Variants in TMEM95 observed in about 807,000 individuals in gnomAD.
TMEM95 encodes sperm-egg fusion protein TMEM95.
In TMEM95, 21 loss-of-function variants were observed where a neutral mutation model predicts 27.7. The ratio of observed to expected loss-of-function variants is 0.76; its 90% confidence interval spans 0.54 to 1.09. TMEM95 has a LOEUF of 1.09. Among genes scored for constraint, TMEM95 ranks in the 50% least tolerant of loss-of-function variants. The pLI is 0.00. For missense variants in TMEM95, 203 were observed against 217.9 expected (o/e 0.93, Z 0.43); for synonymous variants, 77 against 85.7 (o/e 0.90, Z 0.56).
In TMEM95 at chr17:7,356,597, A is replaced by G. The variant is rs903012300; in HGVS notation, c.498-2A>G. 1.2e-6 allele frequency: 2 copies of G among 1,609,590 alleles called. No individual in the cohort carries two copies. Among genetic ancestry groups the G allele is most frequent in the Admixed American group, 1.7e-5 (1 of 59,544 alleles). ...AGGCTTCCCACCCTCGTCTTCCCTC[A>G]GGTCCCACCACCTCCAAGCAAAAAG... is the stretch of plus-strand genomic sequence containing the variant. On this transcript the variant is annotated splice_acceptor_variant, in intron 6 of 6. Transcript: ENST00000576060. LOFTEE classifies it high-confidence loss of function.
At position 7,356,568 on chromosome 17, in the gene TMEM95, C is replaced by T. The variant is rs780080286; in HGVS notation, c.498-31C>T. 1.9e-6 allele frequency: 3 copies of T among 1,611,760 alleles called. No individual in the cohort carries two copies. In the South Asian group the frequency reaches 3.3e-5, roughly 18 times the overall value. ...TCCCTCTGTCCCTCCCAGGCCCCTCCCGTAGGCTTCCCACCCTCGTCTTCC... is the reference window on the plus strand; with the variant it reads ...TCCCTCTGTCCCTCCCAGGCCCCTCTCGTAGGCTTCCCACCCTCGTCTTCC... On this transcript the variant is annotated intron_variant, in intron 6 of 6. Transcript: ENST00000576060.
chr17:7,356,466 A>G lies in TMEM95; in HGVS notation c.484A>G (p.Ser162Gly), dbSNP rs775811570. 4.3e-5 allele frequency: 69 copies of G among 1,613,842 alleles called. No homozygotes were observed. The Admixed American group carries it at 1.1e-3, about 25-fold the overall frequency. ...FGAFLLLGVL[S>G]LLVESHHLQA... is the part of the protein sequence containing the mutation. ...AGCTTTCCTGCTTCTGGGTGTTCTG[A>G]GCCTCCTGGTGGAGTGAGTTTTGGG... The change falls in exon 6 of 7, where the codon AGC becomes GGC. Residue 162 changes from serine (S) to glycine (G), a missense_variant. Transcript: ENST00000576060.
At position 7,355,195 on chromosome 17, in the gene TMEM95, A is replaced by C; in HGVS notation, c.-10A>C. On this transcript the variant is annotated 5_prime_UTR_variant, in exon 1 of 7. Transcript: ENST00000576060. The surrounding 1 kb of genome is among the most constrained non-coding windows in gnomAD (Gnocchi z 4.9). Reference sequence around the variant, plus strand: ...CTGGGGCAGCGCCGCCCCATCCCCCAGTGGTCCTCATGTGGAGGCTGGCAC... The same window carrying C: ...CTGGGGCAGCGCCGCCCCATCCCCCCGTGGTCCTCATGTGGAGGCTGGCAC... 1 of 1,611,244 alleles carries C rather than the reference A, an allele frequency of 6.2e-7. No homozygotes were observed. Among genetic ancestry groups the C allele is most frequent in the Non-Finnish European group, 8.5e-7 (1 of 1,179,146 alleles).
At position 7,355,768 on chromosome 17, in the gene TMEM95, G is replaced by A. The variant is rs193159515; in HGVS notation, c.227-70G>A. 80,484 of 1,566,636 alleles carry A rather than the reference G, an allele frequency of 0.051. 2,571 individuals carry two copies. The highest frequency in any genetic ancestry group is 0.062 in the Non-Finnish European group (70,668 of 1,138,198). Reference sequence around the variant, plus strand: ...AGACAGGAGGGCTGATCAGGGAGGGGCTGCGTGAAGAGAGGGGGAACTGGC... The same window carrying A: ...AGACAGGAGGGCTGATCAGGGAGGGACTGCGTGAAGAGAGGGGGAACTGGC... On this transcript the variant is annotated intron_variant, in intron 2 of 6. Coordinates refer to ENST00000576060, the MANE Select transcript of TMEM95 (RefSeq NM_001320436.2). The surrounding 1 kb of genome is among the most constrained non-coding windows in gnomAD (Gnocchi z 4.9).
Position 7,355,239 on chromosome 17 carries a change from C to A in TMEM95, c.35C>A (p.Ala12Glu). The change falls in exon 1 of 7, where the codon GCA becomes GAA. Residue 12 changes from alanine to glutamate, a missense_variant. Transcript: ENST00000576060. The surrounding 1 kb of genome is among the most constrained non-coding windows in gnomAD (Gnocchi z 4.9). The part of the protein sequence containing the change: ...WRLALGGVFL[A>E]AAQACVFCRL... ...CTGGCACTAGGCGGGGTTTTCCTGG[C>A]AGCCGCCCAGGCTTGTGTCTTCTGT... 6.2e-7 allele frequency: 1 copy of A among 1,613,718 alleles called. No homozygotes were observed. The highest frequency in any genetic ancestry group is 8.5e-7 in the Non-Finnish European group (1 of 1,179,888).
rs1179221649 is a variant in TMEM95 at position 7,355,620 on chromosome 17, TCA to T, written c.207_208del (p.His69GlnfsTer29). ...CCATGAACAAAGTCACAGAGAAGAC[TCA>T]CAGAGTCCTGAGGGTCATGGGTGAG... ...VSMNKVTEKTHRVLRVMEIKE... is the reference protein window; with the variant it reads ...VSMNKVTEKTXRVLRVMEIKE... On this transcript the variant is annotated frameshift_variant, in exon 2 of 7. Coordinates refer to ENST00000576060, the MANE Select transcript of TMEM95 (RefSeq NM_001320436.2). LOFTEE classifies it high-confidence loss of function. This position sits in a 1 kb window ranked among gnomAD's most constrained non-coding sequence, Gnocchi z 4.9. 1 of 1,557,078 alleles carries T rather than the reference TCA, an allele frequency of 6.4e-7. No individual in the cohort carries two copies. Among genetic ancestry groups the T allele is most frequent in the Non-Finnish European group, 8.7e-7 (1 of 1,149,864 alleles).
In TMEM95 at chr17:7,355,490, C is replaced by T; in HGVS notation, c.170-96C>T. 1 of 1,530,554 alleles carries T rather than the reference C, an allele frequency of 6.5e-7. No homozygotes were observed. Among genetic ancestry groups the T allele is most frequent in the Admixed American group, 2.1e-5 (1 of 48,730 alleles). The allele number at this position is 1,530,554 out of a possible 1,614,324, so 94.8% of individuals were successfully genotyped here. ...TGTGGCCCTTTCTGGACATGCTGGC[C>T]TTTCCCTCTGAGAGAGCTCCATATC... On this transcript the variant is annotated intron_variant, in intron 1 of 6. Transcript: ENST00000576060. The surrounding 1 kb of genome is among the most constrained non-coding windows in gnomAD (Gnocchi z 4.9).
chr17:7,355,411 T>G lies in TMEM95; in HGVS notation c.169+38T>G. The stretch of plus-strand genomic sequence containing the variant: ...ATCCAGGGATGGGCCCAGCAAGCAC[T>G]CACCCCCCTACCCCCAGAGGGTGGC... On this transcript the variant is annotated intron_variant, in intron 1 of 6. Coordinates refer to ENST00000576060, the MANE Select transcript of TMEM95 (RefSeq NM_001320436.2). The surrounding 1 kb of genome is among the most constrained non-coding windows in gnomAD (Gnocchi z 4.9). 6.3e-7 allele frequency: 1 copy of G among 1,591,252 alleles called. No individual in the cohort carries two copies. Among genetic ancestry groups the G allele is most frequent in the Non-Finnish European group, 8.6e-7 (1 of 1,165,992 alleles).
In TMEM95 at chr17:7,355,298, G is replaced by C. The variant is rs765812151; in HGVS notation, c.94G>C (p.Ala32Pro). 6.2e-7 allele frequency: 1 copy of C among 1,614,084 alleles called. No homozygotes were observed. Among genetic ancestry groups the C allele is most frequent in the Non-Finnish European group, 8.5e-7 (1 of 1,179,962 alleles). ...AGCCCACGACTTGTCAGGCCGCCTG[G>C]CTCGGCTCTGCAGCCAGATGGAGGC... ...LPAHDLSGRL[A>P]RLCSQMEARQ... is the part of the protein sequence containing the mutation. The change falls in exon 1 of 7, where the codon GCT becomes CCT. Residue 32 changes from alanine (A) to proline (P), a missense_variant. Physicochemically the swap from Ala to Pro is conservative, Grantham distance 27. Coordinates refer to ENST00000576060, the MANE Select transcript of TMEM95 (RefSeq NM_001320436.2). The surrounding 1 kb of genome is among the most constrained non-coding windows in gnomAD (Gnocchi z 4.9).
At position 7,356,696 on chromosome 17, in the gene TMEM95, T is replaced by G; in HGVS notation, c.*64T>G. 1 of 1,574,858 alleles carries G rather than the reference T, an allele frequency of 6.3e-7. No homozygotes were observed. The highest frequency in any genetic ancestry group is 8.7e-7 in the Non-Finnish European group (1 of 1,148,434). On this transcript the variant is annotated 3_prime_UTR_variant, in exon 7 of 7. Coordinates refer to ENST00000576060, the MANE Select transcript of TMEM95 (RefSeq NM_001320436.2). Reference sequence around the variant, plus strand: ...ATGCACTCACAACTTCCACATCCCTTGGAGGGGAACCAGTCAGCCCCTTAG... The same window carrying G: ...ATGCACTCACAACTTCCACATCCCTGGGAGGGGAACCAGTCAGCCCCTTAG...
rs1489525597 is a variant in TMEM95 at position 7,356,691 on chromosome 17, T to A, written c.*59T>A. 11 of 1,585,686 alleles carry A rather than the reference T, an allele frequency of 6.9e-6. No homozygotes were observed. The highest frequency in any genetic ancestry group is 2.2e-5 in the East Asian group (1 of 44,618). On this transcript the variant is annotated 3_prime_UTR_variant, in exon 7 of 7. Coordinates refer to ENST00000576060, the MANE Select transcript of TMEM95 (RefSeq NM_001320436.2). ...GGGGTATGCACTCACAACTTCCACA[T>A]CCCTTGGAGGGGAACCAGTCAGCCC... is the stretch of plus-strand genomic sequence containing the variant.
In TMEM95 at chr17:7,356,232, AGGGGACGGAG is replaced by A; in HGVS notation, c.367_376del (p.Gly123CysfsTer36). 6.4e-7 allele frequency: 1 copy of A among 1,564,206 alleles called. No homozygotes were observed. The highest frequency in any genetic ancestry group is 8.6e-7 in the Non-Finnish European group (1 of 1,156,282). On this transcript the variant is annotated frameshift_variant, in exon 5 of 7. Coordinates refer to ENST00000576060, the MANE Select transcript of TMEM95 (RefSeq NM_001320436.2). LOFTEE classifies it high-confidence loss of function. ...ACGCTGTACAACTGCTCCACCTGCA[AGGGGACGGAG>A]GTGTCCTGCTGGCCCCGAAAGCGCT...
rs1329278829 is a variant in TMEM95, at chr17:7,355,317, T to G, written c.113T>G (p.Met38Arg). Reference sequence around the variant, plus strand: ...CGCCTGGCTCGGCTCTGCAGCCAGATGGAGGCCAGGCAGAAGGAATGTGGG... The same window carrying G: ...CGCCTGGCTCGGCTCTGCAGCCAGAGGGAGGCCAGGCAGAAGGAATGTGGG... The part of the protein sequence containing the change: ...SGRLARLCSQ[M>R]EARQKECGAS... Residue 38 changes from methionine to arginine, a missense_variant, in exon 1 of 7, where the codon ATG becomes AGG. Physicochemically the swap from Met to Arg is moderately conservative, Grantham distance 91. Coordinates refer to ENST00000576060, the MANE Select transcript of TMEM95 (RefSeq NM_001320436.2). This position sits in a 1 kb window ranked among gnomAD's most constrained non-coding sequence, Gnocchi z 4.9. 1 of 1,614,120 alleles carries G rather than the reference T, an allele frequency of 6.2e-7. No individual in the cohort carries two copies. Among genetic ancestry groups the G allele is most frequent in the Non-Finnish European group, 8.5e-7 (1 of 1,179,992 alleles).
In TMEM95 at chr17:7,357,053, T is replaced by C. The variant is rs1010857626; in HGVS notation, c.*421T>C. 2 of 221,220 alleles carry C rather than the reference T, an allele frequency of 9.0e-6. No individual in the cohort carries two copies. The highest frequency in any genetic ancestry group is 2.3e-5 in the African/African-American group (1 of 43,752). The allele number at this position is 221,220 out of a possible 1,614,324, so 13.7% of individuals were successfully genotyped here. A position where few individuals can be genotyped will look rare whatever the true frequency, so the allele number is the denominator to read the frequency against. The stretch of plus-strand genomic sequence containing the variant: ...CTATTCCAGGCCCTCCTATGACTGA[T>C]GGGGAATCCGGGAATGCATGTTCTG... On this transcript the variant is annotated 3_prime_UTR_variant, in exon 7 of 7. Transcript: ENST00000576060.
At position 7,355,356 on chromosome 17, in the gene TMEM95, T is replaced by G. The variant is rs1423828877; in HGVS notation, c.152T>G (p.Phe51Cys). ...AAGGAATGTGGGGCCTCCCCAGACT[T>G]CTCGGCCTTTGCCTTAGGTAGGACC... ...RQKECGASPD[F>C]SAFALDEVSM... The change falls in exon 1 of 7, where the codon TTC becomes TGC. Residue 51 changes from phenylalanine to cysteine, a missense_variant. Transcript: ENST00000576060. The surrounding 1 kb of genome is among the most constrained non-coding windows in gnomAD (Gnocchi z 4.9). The G allele has an allele frequency of 1.9e-6, 3 of 1,613,030 alleles. No individual in the cohort carries two copies. The highest frequency in any genetic ancestry group is 2.5e-6 in the Non-Finnish European group (3 of 1,179,372).
Position 7,356,343 on chromosome 17 carries a change from G to A in TMEM95, c.410-49G>A, listed in dbSNP as rs117385657. On this transcript the variant is annotated intron_variant, in intron 5 of 6. Coordinates refer to ENST00000576060, the MANE Select transcript of TMEM95 (RefSeq NM_001320436.2). ...CCCTGAGCCCTTGGGCTCCCAAGTC[G>A]GTGCGTGTGGGTCCCAGAATCATTC... The A allele has an allele frequency of 1.6e-4, 253 of 1,608,166 alleles. No homozygotes were observed. In the East Asian group the frequency reaches 4.0e-3, roughly 26 times the overall value.
chr17:7,355,180 G>A lies in TMEM95; in HGVS notation c.-25G>A, dbSNP rs370185684. 80 of 1,605,248 alleles carry A rather than the reference G, an allele frequency of 5.0e-5. No homozygotes were observed. Among genetic ancestry groups the A allele is most frequent in the Non-Finnish European group, 6.5e-5 (77 of 1,176,736 alleles). On this transcript the variant is annotated 5_prime_UTR_variant, in exon 1 of 7. Transcript: ENST00000576060. This position sits in a 1 kb window ranked among gnomAD's most constrained non-coding sequence, Gnocchi z 4.9. ...CATTCCTCGGCTCAGCTGGGGCAGC[G>A]CCGCCCCATCCCCCAGTGGTCCTCA...
Position 7,356,922 on chromosome 17 carries a change from A to G in TMEM95, c.*290A>G, listed in dbSNP as rs540330485. 204 of 443,948 alleles carry G rather than the reference A, an allele frequency of 4.6e-4. No homozygotes were observed. Among genetic ancestry groups the G allele is most frequent in the African/African-American group, 3.9e-3 (194 of 49,594 alleles). The allele number at this position is 443,948 out of a possible 1,614,324, so 27.5% of individuals were successfully genotyped here. On this transcript the variant is annotated 3_prime_UTR_variant, in exon 7 of 7. Transcript: ENST00000576060. ...TCAACCAATCACATGGCTGTCAACA[A>G]TGCCAGGAAAATATCTACAGAAGGA...
rs959806571 is a variant in TMEM95, at chr17:7,357,045, A to G, written c.*413A>G. On this transcript the variant is annotated 3_prime_UTR_variant, in exon 7 of 7. Coordinates refer to ENST00000576060, the MANE Select transcript of TMEM95 (RefSeq NM_001320436.2). ...CCCAGAAGCTATTCCAGGCCCTCCT[A>G]TGACTGATGGGGAATCCGGGAATGC... The G allele has an allele frequency of 1.2e-5, 3 of 241,160 alleles. No individual in the cohort carries two copies. The highest frequency in any genetic ancestry group is 2.4e-5 in the Non-Finnish European group (3 of 125,186). The allele number at this position is 241,160 out of a possible 1,614,324, so 14.9% of individuals were successfully genotyped here. A position where few individuals can be genotyped will look rare whatever the true frequency, so the allele number is the denominator to read the frequency against.
Sources: gnomAD v4.1 joint callset for allele counts on GRCh38, gnomAD v4.1.1 for gene constraint, Gnocchi (gnomAD v3.1) non-coding constraint, MANE v1.5 for transcripts, NCBI Gene and HGNC (gene_info 2026-07-23, HGNC 2026-07-21) for gene names.